The following DGKB variants were observed in gnomAD, a reference collection of about 807,000 sequenced individuals.
DGKB encodes 90 kDa diacylglycerol kinase.
Under a neutral mutation model 114.3 loss-of-function variants are expected in DGKB, and 67 were observed. The ratio of observed to expected loss-of-function variants is 0.59; its 90% confidence interval spans 0.48 to 0.72. DGKB has a LOEUF of 0.72. Among genes scored for constraint, DGKB ranks in the 30% least tolerant of loss-of-function variants. The pLI is 0.00. For synonymous variants in DGKB, 398 were observed against 323.1 expected, an observed-to-expected ratio of 1.23 and a Z score of -2.49; for missense variants, 907 against 975.2, an observed-to-expected ratio of 0.93 and a Z score of 0.93.
At chr7:14,752,357 G>A (rs1834259210) in intron 4 of DGKB, among the ~76,000 whole-genome samples, 1 of 152,106 alleles carries the variant, frequency 6.6e-6, no homozygotes, top group African/African-American at 2.4e-5. Flanking sequence ...CATATTGTCT[G>A]AATGCAAAGG....
At chr7:14,215,265 A>G (rs919240200) in intron 23 of DGKB, among the ~76,000 whole-genome samples, 5 of 152,126 alleles carry the variant, frequency 3.3e-5, no homozygotes, top group Non-Finnish European at 7.3e-5. Context: ...TAGTATAGGC[A>G]TGCATGTGAG....
At chr7:14,461,528 C>G (rs1833081629) in intron 21 of DGKB, among the ~76,000 whole-genome samples, 1 of 152,086 alleles carries the variant, frequency 6.6e-6, no homozygotes, top group African/African-American at 2.4e-5. Flanking sequence ...TTCCTGGACA[C>G]ATACACCCTC....
intron 1 of DGKB, among the ~76,000 whole-genome samples, chr7:14,965,606 C>T (rs552414351): frequency 3.3e-4 from 50 of 152,124 alleles, no homozygotes; most frequent in Admixed American, 5.2e-4. Context: ...TTAATGATTA[C>T]TAATCTCATA....
rs560599290 is a variant in DGKB at position 14,247,148 on chromosome 7, T to A, written c.2123-68997A>T. Reference sequence around the variant, plus strand: ...CAATGTCCTCTAGGTACATGTGTATTGTCACAAATGACAAAATTTCCTTCT... The same window carrying A: ...CAATGTCCTCTAGGTACATGTGTATAGTCACAAATGACAAAATTTCCTTCT... On this transcript the variant is annotated intron_variant, in intron 23 of 25. Coordinates refer to ENST00000402815, the MANE Select transcript of DGKB (RefSeq NM_001350709.2). 1.4e-4 allele frequency among the ~76,000 whole-genome samples: 22 copies of A among 152,286 alleles called. No individual in the cohort carries two copies. The East Asian group carries it at 3.9e-3, about 27-fold the overall frequency.
chr7:14,652,201 A>T (rs567749347), intron 13 of DGKB, among the ~76,000 whole-genome samples: 2 of 150,986 alleles, frequency 1.3e-5, no homozygotes, highest in Non-Finnish European at 3.0e-5. Flanking sequence ...AGTCAATCCT[A>T]AGCCAAAAGA....
chr7:14,862,167 T>C (rs1382875339), intron 1 of DGKB, among the ~76,000 whole-genome samples: 1 of 151,944 alleles, frequency 6.6e-6, no homozygotes, highest in Non-Finnish European at 1.5e-5. Context: ...AATTGACAAA[T>C]AAAAATTGTG....
chr7:14,491,641 G>C (rs1007872576), intron 20 of DGKB, among the ~76,000 whole-genome samples: 1 of 151,982 alleles, frequency 6.6e-6, no homozygotes, highest in Non-Finnish European at 1.5e-5. Flanking sequence ...AAATTTAGAG[G>C]CTGCTTGTGT....
Position 14,583,046 on chromosome 7 carries a change from C to T in DGKB, c.1519+6G>A. The T allele has an allele frequency of 1.3e-6, 2 of 1,591,084 alleles. No homozygotes were observed. Among genetic ancestry groups the T allele is most frequent in the African/African-American group, 2.7e-5 (2 of 74,476 alleles). The stretch of plus-strand genomic sequence containing the variant: ...CCCAGCCATATTAAGTATGTGTCTG[C>T]ATTACCTATGCAATCCAAAACCCAG... On this transcript the variant is annotated splice_donor_region_variant and intron_variant, in intron 18 of 25. Coordinates refer to ENST00000402815, the MANE Select transcript of DGKB (RefSeq NM_001350709.2).
intron 1 of DGKB, among the ~76,000 whole-genome samples, chr7:14,972,512 A>C (rs915222687): frequency 6.6e-6 from 1 of 152,182 alleles, no homozygotes; most frequent in African/African-American, 2.4e-5. Flanking sequence ...AAAATCACTG[A>C]ACTTAAATAA....
intron 2 of DGKB, among the ~76,000 whole-genome samples, chr7:14,767,133 A>C (rs1375771280): frequency 6.6e-6 from 1 of 151,784 alleles, no homozygotes; most frequent in East Asian, 1.9e-4. Flanking sequence ...AGGCAAGATA[A>C]ATTTTTTTAA....
chr7:14,324,056 C>T (rs1046033366), intron 23 of DGKB, among the ~76,000 whole-genome samples: 2 of 152,094 alleles, frequency 1.3e-5, no homozygotes, highest in Non-Finnish European at 2.9e-5. Context: ...TTAATCAAGA[C>T]ATTAGTTAAG....
At chr7:14,735,260 C>T (rs1388407364) in intron 5 of DGKB, among the ~76,000 whole-genome samples, 1 of 152,096 alleles carries the variant, frequency 6.6e-6, no homozygotes, top group Non-Finnish European at 1.5e-5. Flanking sequence ...CACAAAAGTC[C>T]AAGGGCTAGG....
chr7:14,228,525 T>A (rs990548191), intron 23 of DGKB, among the ~76,000 whole-genome samples: 54 of 152,008 alleles, frequency 3.6e-4, no homozygotes, highest in African/African-American at 1.3e-3. Flanking sequence ...CTGTTTATAG[T>A]ACACACACAC....
chr7:14,441,958 T>A (rs1830142589), intron 21 of DGKB, among the ~76,000 whole-genome samples: 1 of 152,016 alleles, frequency 6.6e-6, no homozygotes, highest in African/African-American at 2.4e-5. Context: ...GGATATGATT[T>A]CCTAGTATTT....
intron 21 of DGKB, among the ~76,000 whole-genome samples, chr7:14,453,880 A>T (rs1831894803): frequency 6.6e-6 from 1 of 152,178 alleles, no homozygotes; most frequent in African/African-American, 2.4e-5. Flanking sequence ...TATGGGCCAT[A>T]GTTTGCTGAC....
At chr7:14,881,750 T>C (rs567963366) in intron 1 of DGKB, among the ~76,000 whole-genome samples, 35 of 152,214 alleles carry the variant, frequency 2.3e-4, no homozygotes, top group African/African-American at 7.2e-4. Flanking sequence ...AGTTAACCTG[T>C]AGAAGACTGA....
intron 23 of DGKB, among the ~76,000 whole-genome samples, chr7:14,240,275 A>C (rs915866872): frequency 6.6e-6 from 1 of 152,076 alleles, no homozygotes; most frequent in African/African-American, 2.4e-5. Flanking sequence ...GGTTCCATGT[A>C]AAATAAATTT....
chr7:14,702,974 T>G (rs1228287249), intron 6 of DGKB, among the ~76,000 whole-genome samples: 1 of 152,216 alleles, frequency 6.6e-6, no homozygotes. Context: ...GTCTATTGAC[T>G]TAAGGGCAAT....
intron 13 of DGKB, among the ~76,000 whole-genome samples, chr7:14,641,616 C>T (rs1401120974): frequency 2.0e-5 from 3 of 151,850 alleles, no homozygotes; most frequent in Non-Finnish European, 2.9e-5. Context: ...ATACAATAAT[C>T]CTGACGCCTT....
Sources: gnomAD v4.1 joint callset for allele counts (sites outside exome capture counted in the v4.1 genomes callset) on GRCh38, gnomAD v4.1.1 for gene constraint, MANE v1.5 for transcripts, NCBI Gene and HGNC (gene_info 2026-07-23, HGNC 2026-07-21) for gene names.